The following TTC21A variants were observed in gnomAD, a reference collection of about 807,000 sequenced individuals.
The protein encoded by TTC21A is tetratricopeptide repeat domain 21A.
A neutral mutation model predicts 156.4 loss-of-function variants in TTC21A; 128 were observed. That is an observed-to-expected ratio of 0.82 (90% confidence interval 0.71 to 0.95). The LOEUF (loss-of-function observed/expected upper bound fraction) is 0.95. Among genes scored for constraint, TTC21A ranks in the 40% least tolerant of loss-of-function variants. The pLI, the probability that TTC21A is intolerant of heterozygous loss-of-function variation, is 0.00. For synonymous variants in TTC21A, 587 were observed against 617.1 expected, an observed-to-expected ratio of 0.95 and a Z score of 0.72; for missense variants, 1,435 against 1,602.3, an observed-to-expected ratio of 0.90 and a Z score of 1.78.
chr3:39,108,951 T>A, intron 1 of TTC21A, 134 bp from the exon 2 acceptor site: 2 of 1,010,272 alleles, frequency 2.0e-6, no homozygotes. Flanking sequence ...GGCCTGAATG[T>A]TTCCTCTTTC....
rs542713487 is a variant in TTC21A, at chr3:39,137,730, C to G, written c.3675+20C>G. 6 of 1,598,944 alleles carry G rather than the reference C, an allele frequency of 3.8e-6. No homozygotes were observed. Among genetic ancestry groups the G allele is most frequent in the Non-Finnish European group, 5.1e-6 (6 of 1,172,684 alleles). On this transcript the variant is annotated intron_variant, in intron 26 of 28. Coordinates refer to ENST00000683103, the MANE Select transcript of TTC21A (RefSeq NM_001366900.1). ...AACAAGGCAAGGAGCCACACACACACTAGGGCTGCGGGATGGCGGAAAGGA... is the reference window on the plus strand; with the variant it reads ...AACAAGGCAAGGAGCCACACACACAGTAGGGCTGCGGGATGGCGGAAAGGA...
In TTC21A at chr3:39,130,415, G is replaced by T; in HGVS notation, c.2319+57G>T. 1 of 1,422,290 alleles carries T rather than the reference G, an allele frequency of 7.0e-7. No individual in the cohort carries two copies. The highest frequency in any genetic ancestry group is 1.4e-5 in the African/African-American group (1 of 70,942). The allele number at this position is 1,422,290 out of a possible 1,614,324, so 88.1% of individuals were successfully genotyped here. ...GAGGGCCAGCCCAGCAGGGAAGGAGGAGGACGGTACATGACTGGGGAGCTC... is the reference window on the plus strand; with the variant it reads ...GAGGGCCAGCCCAGCAGGGAAGGAGTAGGACGGTACATGACTGGGGAGCTC... On this transcript the variant is annotated intron_variant, in intron 17 of 28. Transcript: ENST00000683103. This position sits in a 1 kb window ranked among gnomAD's most constrained non-coding sequence, Gnocchi z 4.5.
chr3:39,117,953 A>G, intron 6 of TTC21A, 116 bp from the exon 7 acceptor site: 3 of 757,396 alleles, frequency 4.0e-6, no homozygotes, highest in Non-Finnish European at 6.9e-6. Context: ...TGGGAGTTCT[A>G]TTATTAAAAG....
intron 24 of TTC21A, 36 bp from the exon 25 acceptor site, chr3:39,137,159 C>G (rs372003036): frequency 6.2e-7 from 1 of 1,601,608 alleles, no homozygotes. Context: ...GGCAGGCCAC[C>G]GGCCTGTGTC....
chr3:39,118,013 A>C, intron 6 of TTC21A, 56 bp from the exon 7 acceptor site: 2 of 1,308,930 alleles, frequency 1.5e-6, no homozygotes, highest in Non-Finnish European at 1.1e-6. Flanking sequence ...CCAACACACC[A>C]TCCCAGCTTT....
chr3:39,137,160 G>A (rs373232310), intron 24 of TTC21A, 35 bp from the exon 25 acceptor site: 22 of 1,602,096 alleles, frequency 1.4e-5, no homozygotes, highest in Middle Eastern at 3.3e-4. Flanking sequence ...GCAGGCCACC[G>A]GCCTGTGTCT....
intron 6 of TTC21A, among the ~76,000 whole-genome samples, chr3:39,116,247 T>C (rs1429177078): frequency 6.6e-6 from 1 of 152,268 alleles, no homozygotes; most frequent in East Asian, 1.9e-4. Context: ...ATTCCCTCAC[T>C]GATTTTTAAA....
intron 8 of TTC21A, among the ~76,000 whole-genome samples, 181 bp from the exon 9 acceptor site, chr3:39,120,816 G>C (rs1483692084): frequency 6.6e-6 from 1 of 152,240 alleles, no homozygotes; most frequent in African/African-American, 2.4e-5. Flanking sequence ...GTTGTGGCCA[G>C]TGAGAGGTTC....
At chr3:39,114,160 C>T (rs2037074851) in intron 5 of TTC21A, among the ~76,000 whole-genome samples, 1 of 152,220 alleles carries the variant, frequency 6.6e-6, no homozygotes, top group South Asian at 2.1e-4. Flanking sequence ...CCCTAACTGA[C>T]TCAGAATTGC....
At chr3:39,124,373 A>T (rs986705053) in intron 9 of TTC21A, among the ~76,000 whole-genome samples, 4 of 152,132 alleles carry the variant, frequency 2.6e-5, no homozygotes, top group African/African-American at 9.7e-5. Context: ...TAAAAAGCAG[A>T]TTGTGGCCAG....
In TTC21A at chr3:39,130,682, A is replaced by G; in HGVS notation, c.2320-19A>G. On this transcript the variant is annotated intron_variant, in intron 17 of 28. Transcript: ENST00000683103. The surrounding 1 kb of genome is among the most constrained non-coding windows in gnomAD (Gnocchi z 4.5). ...GGGCAGAACCAGGCCAGAGGCTAAT[A>G]TTTACTGTTTGCACTAAGGCAATTG... 6.2e-7 allele frequency: 1 copy of G among 1,613,888 alleles called. No individual in the cohort carries two copies.
chr3:39,137,947 A>C (rs560422331), intron 26 of TTC21A, among the ~76,000 whole-genome samples: 1 of 152,294 alleles, frequency 6.6e-6, no homozygotes, highest in Non-Finnish European at 1.5e-5. Context: ...GGAACACTAA[A>C]GGACAGAAAG....
chr3:39,138,639 T>C lies in TTC21A; in HGVS notation c.3864+16T>C, dbSNP rs1271871013. 2 of 1,614,056 alleles carry C rather than the reference T, an allele frequency of 1.2e-6. No individual in the cohort carries two copies. Among genetic ancestry groups the C allele is most frequent in the Non-Finnish European group, 8.5e-7 (1 of 1,179,942 alleles). ...CTGCAACGATGTAAGCCAGCAGCCT[T>C]GGTGGGGAGGGCCTGGTGTAGTGGT... On this transcript the variant is annotated intron_variant, in intron 28 of 28. Transcript: ENST00000683103.
At position 39,130,161 on chromosome 3, in the gene TTC21A, A is replaced by C. The variant is rs2038611416; in HGVS notation, c.2208+10A>C. ...AATGAGCATTCTGGAGGTAAGTGAG[A>C]GGCCTCACAGCCTTGCCAAGTGGCC... is the stretch of plus-strand genomic sequence containing the variant. On this transcript the variant is annotated intron_variant, in intron 16 of 28. Coordinates refer to ENST00000683103, the MANE Select transcript of TTC21A (RefSeq NM_001366900.1). This position sits in a 1 kb window ranked among gnomAD's most constrained non-coding sequence, Gnocchi z 4.5. The C allele has an allele frequency of 6.2e-7, 1 of 1,613,604 alleles. No homozygotes were observed. Among genetic ancestry groups the C allele is most frequent in the Non-Finnish European group, 8.5e-7 (1 of 1,179,802 alleles).
At chr3:39,138,066 GT>G (rs2039267933) in intron 26 of TTC21A, 200 bp from the exon 27 acceptor site, 1 of 692,274 alleles carries the variant, frequency 1.4e-6, no homozygotes, top group African/African-American at 1.8e-5. Flanking sequence ...GGTTACGCCA[GT>G]GTCTGGGGTA....
At position 39,126,278 on chromosome 3, in the gene TTC21A, G is replaced by A; in HGVS notation, c.1410G>A (p.Gln470=). Residue 470 remains glutamine (Q), a synonymous_variant, in exon 12 of 29, where the codon CAG becomes CAA. Coordinates refer to ENST00000683103, the MANE Select transcript of TTC21A (RefSeq NM_001366900.1). ...FCPKQPRLPG[Q]IVSPLLKQVA... is the part of the protein sequence containing the mutation. The stretch of plus-strand genomic sequence containing the variant: ...TCCCACAGCCCAGGTTACCAGGCCA[G>A]ATCGTGTCTCCACTTCTTAAACAAG... 6.2e-7 allele frequency: 1 copy of A among 1,614,110 alleles called. No individual in the cohort carries two copies. Among genetic ancestry groups the A allele is most frequent in the Non-Finnish European group, 8.5e-7 (1 of 1,180,010 alleles).
At position 39,138,307 on chromosome 3, in the gene TTC21A, A is replaced by T. The variant is rs755476201; in HGVS notation, c.3716A>T (p.Glu1239Val). The T allele has an allele frequency of 1.3e-5, 21 of 1,614,028 alleles. No individual in the cohort carries two copies. The highest frequency in any genetic ancestry group is 1.7e-5 in the Non-Finnish European group (20 of 1,180,016). Reference sequence around the variant, plus strand: ...TATGAGTACATGGGCTTCATCATGGAGAAGGAGCAGTCCTACAAGGATGCA... The same window carrying T: ...TATGAGTACATGGGCTTCATCATGGTGAAGGAGCAGTCCTACAAGGATGCA... ...KAYEYMGFIM[E>V]KEQSYKDAVT... The change falls in exon 27 of 29, where the codon GAG becomes GTG. Residue 1239 changes from glutamate (E) to valine (V), a missense_variant. Glu to Val is a moderately radical substitution (Grantham distance 121). Coordinates refer to ENST00000683103, the MANE Select transcript of TTC21A (RefSeq NM_001366900.1).
Position 39,129,151 on chromosome 3 carries a change from A to G in TTC21A, c.1976A>G (p.Asn659Ser), listed in dbSNP as rs748001591. 3.7e-6 allele frequency: 6 copies of G among 1,614,256 alleles called. No individual in the cohort carries two copies. The highest frequency in any genetic ancestry group is 4.5e-5 in the East Asian group (2 of 44,888). The change falls in exon 15 of 29, where the codon AAC (asparagine) becomes AGC (serine). Residue 659 changes from asparagine to serine, a missense_variant. Coordinates refer to ENST00000683103, the MANE Select transcript of TTC21A (RefSeq NM_001366900.1). Reference protein sequence around the residue: ...TPEENRITIANVDLVLSKGNV... With the variant: ...TPEENRITIASVDLVLSKGNV... ...GAAGAGAACCGCATCACCATTGCCA[A>G]CGTGGACTTGGTCCTGAGCAAGGGC... is the stretch of plus-strand genomic sequence containing the variant.
intron 22 of TTC21A, 31 bp from the exon 23 acceptor site, chr3:39,136,326 T>G: frequency 6.3e-7 from 1 of 1,597,372 alleles, no homozygotes; most frequent in Non-Finnish European, 8.5e-7. Flanking sequence ...ACTGGGCATT[T>G]CAGCCTGGAG....
Sources: gnomAD v4.1 joint callset for allele counts (sites outside exome capture counted in the v4.1 genomes callset) on GRCh38, gnomAD v4.1.1 for gene constraint, Gnocchi (gnomAD v3.1) non-coding constraint, MANE v1.5 for transcripts, NCBI Gene and HGNC (gene_info 2026-07-23, HGNC 2026-07-21) for gene names.